Variants in CCDC7 observed in about 807,000 individuals in gnomAD.
The protein encoded by CCDC7 is coiled-coil domain containing 7.
A neutral mutation model predicts 196.9 loss-of-function variants in CCDC7; 183 were observed. The ratio of observed to expected loss-of-function variants is 0.93; its 90% confidence interval spans 0.82 to 1.05. The LOEUF is 1.05. CCDC7 is among the 50% of genes least tolerant of loss of function. CCDC7 has a pLI of 0.00. For synonymous variants in CCDC7, 525 were observed against 484.6 expected (o/e 1.08, Z -1.10); for missense variants, 1,540 against 1,482.2 (o/e 1.04, Z -0.64).
At chr10:32,512,133 A>G (rs559739648) in intron 9 of CCDC7, 1 of 178,822 alleles carries the variant, frequency 5.6e-6, no homozygotes, top group South Asian at 1.4e-4. Context: ...GGACAAATTG[A>G]GATCTCAATT....
intron 9 of CCDC7, among the ~76,000 whole-genome samples, chr10:32,497,011 C>T (rs938576212): frequency 1.1e-4 from 16 of 152,070 alleles, no homozygotes; most frequent in African/African-American, 1.9e-4. Context: ...GCTGTGAATC[C>T]GTCTGGTCCT....
chr10:32,682,974 G>T (rs912040694), intron 21 of CCDC7, among the ~76,000 whole-genome samples: 1 of 151,944 alleles, frequency 6.6e-6, no homozygotes, highest in African/African-American at 2.4e-5. Flanking sequence ...AGTTTCTTTT[G>T]CTCTGCAGAA....
intron 15 of CCDC7, 62 bp downstream of exon 16, chr10:32,567,953 A>T: frequency 2.1e-6 from 3 of 1,403,716 alleles, no homozygotes; most frequent in Non-Finnish European, 2.8e-6. Flanking sequence ...CTTTTATATT[A>T]TTATTTACTT....
chr10:32,590,229 G>T (rs1169532844), intron 18 of CCDC7, among the ~76,000 whole-genome samples: 1 of 151,724 alleles, frequency 6.6e-6, no homozygotes, highest in Non-Finnish European at 1.5e-5. Context: ...TGTGTCCATT[G>T]TATATATTTT....
intron 13 of CCDC7, among the ~76,000 whole-genome samples, chr10:32,559,237 G>A (rs1446510517): frequency 5.9e-5 from 9 of 151,618 alleles, no homozygotes; most frequent in African/African-American, 2.2e-4. Context: ...TCCACCTCTG[G>A]GGGCAGGGCA....
rs979846508 is a variant in CCDC7 at position 32,830,127 on chromosome 10, T to TATATAC, written c.3269-4683_3269-4682insCATATA. Among the ~76,000 whole-genome samples the TATATAC allele has an allele frequency of 6.6e-5, 7 of 105,716 alleles. 3 individuals carry two copies. In the Admixed American group the frequency reaches 7.1e-4, roughly 11 times the overall value. 69.4% of individuals were successfully genotyped at this position (105,716 alleles called of 152,430 possible). A position where few individuals can be genotyped will look rare whatever the true frequency, so the allele number is the denominator to read the frequency against. On this transcript the variant is annotated intron_variant, in intron 32 of 41. Transcript: ENST00000639629. ...TAGTTCTTATATATATAAGGATATA[T>TATATAC]ATATATATATATATCCTATTAGTTC... is the stretch of plus-strand genomic sequence containing the variant.
intron 7 of CCDC7, 48 bp downstream of exon 8, chr10:32,472,590 TTTG>T: frequency 1.4e-6 from 2 of 1,429,412 alleles, no homozygotes; most frequent in African/African-American, 2.9e-5. Flanking sequence ...TATTAAAAAT[TTTG>T]TTATTATTTT....
At chr10:32,762,410 C>T (rs2133883614) in intron 28 of CCDC7, among the ~76,000 whole-genome samples, 1 of 151,506 alleles carries the variant, frequency 6.6e-6, no homozygotes, top group Non-Finnish European at 1.5e-5. Flanking sequence ...ATATATACTA[C>T]CCAGAGTCAC....
rs34143127 is a variant in CCDC7, at chr10:32,603,585, C to CTT, written c.1801+19293_1801+19294dup. On this transcript the variant is annotated intron_variant, in intron 18 of 41. Transcript: ENST00000639629. ...TTCCCACCAGCCATGTGTGATAGTT[C>CTT]TTTTTTTTTTTTTACATCTTTGACA... 1.6e-3 allele frequency among the ~76,000 whole-genome samples: 225 copies of CTT among 142,830 alleles called. 5 individuals carry two copies. The highest frequency in any genetic ancestry group is 3.7e-3 in the South Asian group (17 of 4,568). The allele number at this position is 142,830 out of a possible 152,430, so 93.7% of individuals were successfully genotyped here. A position where few individuals can be genotyped will look rare whatever the true frequency, so the allele number is the denominator to read the frequency against.
chr10:32,791,962 G>A (rs1347094237), intron 29 of CCDC7, among the ~76,000 whole-genome samples: 1 of 152,092 alleles, frequency 6.6e-6, no homozygotes, highest in Non-Finnish European at 1.5e-5. Context: ...TTTTAAAACA[G>A]CAGGAGAAAA....
intron 31 of CCDC7, among the ~76,000 whole-genome samples, chr10:32,822,955 C>T (rs1380326336): frequency 6.6e-6 from 1 of 152,156 alleles, no homozygotes; most frequent in Non-Finnish European, 1.5e-5. Flanking sequence ...TACTCATTGA[C>T]TCCCTGCTTA....
chr10:32,451,760 A>G, exon 1 of CCDC7: 2 of 1,614,194 alleles, frequency 1.2e-6, no homozygotes, highest in Non-Finnish European at 1.7e-6. Context: ...GGAAAAACAT[A>G]ATGCAAAATT....
intron 24 of CCDC7, among the ~76,000 whole-genome samples, chr10:32,705,799 G>A (rs184605681): frequency 2.2e-4 from 33 of 152,190 alleles, no homozygotes; most frequent in East Asian, 1.2e-3. Context: ...CCCAATACAG[G>A]AGCACCCAGA....
At chr10:32,456,121 G>T in intron 2 of CCDC7, 130 bp from the exon 4 acceptor site, 1 of 812,932 alleles carries the variant, frequency 1.2e-6, no homozygotes. Flanking sequence ...ATGGCTTCTT[G>T]CTGTAAATGT....
intron 20 of CCDC7, among the ~76,000 whole-genome samples, chr10:32,637,772 C>G (rs1443989172): frequency 6.6e-6 from 1 of 152,102 alleles, no homozygotes; most frequent in African/African-American, 2.4e-5. Flanking sequence ...TGAAGAAAGT[C>G]ATTGGTAGCT....
At chr10:32,776,744 A>T (rs977399542) in intron 28 of CCDC7, among the ~76,000 whole-genome samples, 28 of 152,336 alleles carry the variant, frequency 1.8e-4, no homozygotes, top group Admixed American at 7.2e-4. Context: ...ACATATTTGT[A>T]TTCAATTGAA....
chr10:32,850,271 C>G (rs181529206), intron 39 of CCDC7, among the ~76,000 whole-genome samples: 8 of 152,264 alleles, frequency 5.3e-5, no homozygotes, highest in Non-Finnish European at 8.8e-5. Flanking sequence ...TCCCCAGATC[C>G]AGTATCATGA....
chr10:32,708,151 C>T (rs2141807368), intron 24 of CCDC7, among the ~76,000 whole-genome samples: 1 of 149,524 alleles, frequency 6.7e-6, no homozygotes, highest in African/African-American at 2.5e-5. Flanking sequence ...AGAATAGAGC[C>T]CTCAGAAATA....
At chr10:32,847,715 T>TAAAA in intron 37 of CCDC7, 118 bp from the exon 39 acceptor site, 1 of 524,106 alleles carries the variant, frequency 1.9e-6, no homozygotes, top group Non-Finnish European at 3.2e-6. Flanking sequence ...ATCCTGTCTC[T>TAAAA]AAAAAAAAAA....
Sources: gnomAD v4.1 joint callset for allele counts (sites outside exome capture counted in the v4.1 genomes callset) on GRCh38, gnomAD v4.1.1 for gene constraint, MANE v1.5 for transcripts, NCBI Gene and HGNC (gene_info 2026-07-23, HGNC 2026-07-21) for gene names.